Variants in APBA2 observed in about 807,000 individuals in gnomAD.
APBA2 encodes the protein amyloid-beta A4 precursor protein-binding family A member 2.
Under a neutral mutation model 75.0 loss-of-function variants are expected in APBA2, and 30 were observed. The observed-to-expected ratio is 0.40, with a 90% CI of 0.30 to 0.54. APBA2 has a LOEUF of 0.54. Among genes scored for constraint, APBA2 ranks in the 20% least tolerant of loss-of-function variants. APBA2 has a pLI of 0.49. For synonymous variants in APBA2, 444 were observed against 409.6 expected (o/e 1.08, Z -1.01); for missense variants, 801 against 1,016.1 (o/e 0.79, Z 2.88).
chr15:29,098,703 C>T, intron 9 of APBA2, 127 bp downstream of exon 9: 1 of 829,666 alleles, frequency 1.2e-6, no homozygotes, highest in Admixed American at 2.0e-5. Flanking sequence ...CAACCCAAGG[C>T]CCATAGCCCG....
chr15:29,070,794 T>C (rs906220127), intron 4 of APBA2: 2 of 278,266 alleles, frequency 7.2e-6, no homozygotes, highest in Non-Finnish European at 1.4e-5. Context: ...CCGCCCCTTC[T>C]GAGCTGGGTG....
At chr15:28,931,696 G>T (rs79184819) in intron 2 of APBA2, among the ~76,000 whole-genome samples, 16 of 152,128 alleles carry the variant, frequency 1.1e-4, no homozygotes, top group Non-Finnish European at 1.6e-4. Flanking sequence ...GTTGTTTTCC[G>T]GAGTTTGGCA....
In APBA2 at chr15:29,105,309, C is replaced by T; in HGVS notation, c.1525-70C>T. 5 of 1,503,852 alleles carry T rather than the reference C, an allele frequency of 3.3e-6. No individual in the cohort carries two copies. The Admixed American group carries it at 7.3e-5, about 22-fold the overall frequency. The allele number at this position is 1,503,852 out of a possible 1,614,324, so 93.2% of individuals were successfully genotyped here. On this transcript the variant is annotated intron_variant, in intron 10 of 14. Coordinates refer to ENST00000683413, the MANE Select transcript of APBA2 (RefSeq NM_001353788.2). ...CATCCTGCACCCAGCCCTGCCGCAG[C>T]CCCCTGCTGAGGAGGCTGCGGGGAG... is the stretch of plus-strand genomic sequence containing the variant.
intron 3 of APBA2, among the ~76,000 whole-genome samples, chr15:28,996,449 C>G (rs1242426853): frequency 1.3e-5 from 2 of 152,178 alleles, no homozygotes; most frequent in Non-Finnish European, 2.9e-5. Context: ...CTGGCTTGCC[C>G]TTGCCCTGTA....
intron 2 of APBA2, among the ~76,000 whole-genome samples, chr15:28,975,860 C>T (rs145129699): frequency 6.6e-5 from 10 of 152,294 alleles, no homozygotes; most frequent in South Asian, 2.1e-4. Flanking sequence ...AGTTTGATGG[C>T]GCCCTCTATT....
In APBA2 at chr15:29,086,471, T is replaced by A. The variant is rs16955045; in HGVS notation, c.1070-6604T>A. Among the ~76,000 whole-genome samples, 1,218 of 152,334 alleles carry A rather than the reference T, an allele frequency of 8.0e-3. 24 individuals are homozygous for A. The highest frequency in any genetic ancestry group is 0.028 in the African/African-American group (1,176 of 41,558). The stretch of plus-strand genomic sequence containing the variant: ...TTTTAAGATCAAATAACGTCATGAT[T>A]CCTAATGATACTTTGTCAGGTTTAT... On this transcript the variant is annotated intron_variant, in intron 6 of 14. Transcript: ENST00000683413.
intron 2 of APBA2, among the ~76,000 whole-genome samples, chr15:28,932,271 A>G (rs28513979): frequency 0.32 from 48,124 of 152,042 alleles, 12,657 homozygotes; most frequent in African/African-American, 0.7. Context: ...CACCTGGAGC[A>G]CCCCTGCAGT....
In APBA2 at chr15:29,058,258, C is replaced by T. The variant is rs187526997; in HGVS notation, c.951+3423C>T. Among the ~76,000 whole-genome samples, 286 of 152,224 alleles carry T rather than the reference C, an allele frequency of 1.9e-3. 2 individuals are homozygous for T. Among genetic ancestry groups the T allele is most frequent in the African/African-American group, 6.6e-3 (275 of 41,532 alleles). ...GGGTGCAGTGGCTCACACTTGTAAT[C>T]CCAGCACTTTGGGAGGCCAAGGTGG... On this transcript the variant is annotated intron_variant, in intron 4 of 14. Coordinates refer to ENST00000683413, the MANE Select transcript of APBA2 (RefSeq NM_001353788.2).
intron 2 of APBA2, among the ~76,000 whole-genome samples, chr15:28,944,074 C>G (rs1310416981): frequency 6.6e-6 from 1 of 152,166 alleles, no homozygotes; most frequent in Non-Finnish European, 1.5e-5. Flanking sequence ...TCACCCTGGC[C>G]CACTCTCCAC....
intron 2 of APBA2, among the ~76,000 whole-genome samples, chr15:28,933,228 G>A (rs763000908): frequency 6.6e-6 from 1 of 152,052 alleles, no homozygotes; most frequent in Non-Finnish European, 1.5e-5. Context: ...ATGAACTTTG[G>A]GGGGGCACAT....
At position 28,926,499 on chromosome 15, in the gene APBA2, A is replaced by G. The variant is rs1226824938; in HGVS notation, c.-95+4750A>G. 2.0e-5 allele frequency among the ~76,000 whole-genome samples: 3 copies of G among 152,308 alleles called. No homozygotes were observed. The East Asian group carries it at 5.8e-4, about 29-fold the overall frequency. On this transcript the variant is annotated intron_variant, in intron 2 of 14. Transcript: ENST00000683413. Reference sequence around the variant, plus strand: ...GCTGTTAATTATTTCAATTATCCATATGTCATAATCATACAGTATATCGTT... The same window carrying G: ...GCTGTTAATTATTTCAATTATCCATGTGTCATAATCATACAGTATATCGTT...
At chr15:28,924,596 TC>T (rs1169149701) in intron 2 of APBA2, among the ~76,000 whole-genome samples, 1 of 152,266 alleles carries the variant, frequency 6.6e-6, no homozygotes, top group African/African-American at 2.4e-5. Flanking sequence ...TGTCAGAACT[TC>T]AGTCCTTTCT....
chr15:28,901,215 C>T (rs2032830467), intron 1 of APBA2, among the ~76,000 whole-genome samples: 1 of 152,198 alleles, frequency 6.6e-6, no homozygotes, highest in Non-Finnish European at 1.5e-5. Flanking sequence ...AGCACAGTGG[C>T]TTCATCAGCC....
At chr15:28,928,584 G>T (rs1283987844) in intron 2 of APBA2, among the ~76,000 whole-genome samples, 5 of 152,086 alleles carry the variant, frequency 3.3e-5, no homozygotes, top group Non-Finnish European at 7.4e-5. Context: ...AGCTTTTCCA[G>T]ACCCCAAACA....
At chr15:29,091,299 C>T (rs559057136) in intron 6 of APBA2, among the ~76,000 whole-genome samples, 182 of 152,172 alleles carry the variant, frequency 1.2e-3, no homozygotes, top group Non-Finnish European at 2.0e-3. Flanking sequence ...TGGGGAGAGA[C>T]GGCTGGGAGC....
At chr15:29,004,547 T>C (rs1194067185) in intron 3 of APBA2, among the ~76,000 whole-genome samples, 1 of 152,140 alleles carries the variant, frequency 6.6e-6, no homozygotes, top group African/African-American at 2.4e-5. Flanking sequence ...TTCTGCTTCC[T>C]CCATCCTGGG....
At chr15:28,993,104 C>T (rs1274976607) in intron 2 of APBA2, among the ~76,000 whole-genome samples, 2 of 152,148 alleles carry the variant, frequency 1.3e-5, no homozygotes, top group Non-Finnish European at 2.9e-5. Flanking sequence ...GGTTTCCAAG[C>T]CATGTCTGAT....
At chr15:29,086,844 A>T (rs936845982) in intron 6 of APBA2, among the ~76,000 whole-genome samples, 4 of 152,264 alleles carry the variant, frequency 2.6e-5, no homozygotes, top group African/African-American at 9.6e-5. Flanking sequence ...ATTATATAAA[A>T]TAATTACATG....
chr15:28,893,481 A>G (rs556453993), intron 1 of APBA2, among the ~76,000 whole-genome samples: 98 of 152,282 alleles, frequency 6.4e-4, no homozygotes, highest in African/African-American at 2.2e-3. Flanking sequence ...TGACTGCTAG[A>G]TTCTGAGCCC....
Sources: allele counts gnomAD v4.1 joint callset (sites outside exome capture counted in the v4.1 genomes callset), GRCh38; gene constraint gnomAD v4.1.1; transcripts MANE v1.5; gene names NCBI Gene and HGNC (gene_info 2026-07-23, HGNC 2026-07-21).